The following MSI1 variants were observed in gnomAD, a reference collection of about 807,000 sequenced individuals.
The protein encoded by MSI1 is RNA-binding protein Musashi homolog 1.
In MSI1, 15 loss-of-function variants were observed where a neutral mutation model predicts 54.4. The ratio of observed to expected loss-of-function variants is 0.28; its 90% CI spans 0.18 to 0.42. The LOEUF is 0.42. Ranked by LOEUF, MSI1 falls within the 20% of genes least tolerant of loss-of-function variation. The pLI, the probability that MSI1 is intolerant of heterozygous loss-of-function variation, is 1.00. For synonymous variants in MSI1, 200 were observed against 196.5 expected (o/e 1.02, Z -0.15); for missense variants, 304 against 506.0 (o/e 0.60, Z 3.83).
chr12:120,363,312 G>T (rs1032178716), intron 5 of MSI1, among the ~76,000 whole-genome samples, 177 bp from the exon 6 acceptor site: 5 of 144,708 alleles, frequency 3.5e-5, no homozygotes, highest in Middle Eastern at 3.7e-3. Context: ...GCCTGTCATG[G>T]GCAGCTGTGC....
intron 8 of MSI1, among the ~76,000 whole-genome samples, 183 bp from the exon 9 acceptor site, chr12:120,357,202 C>A (rs577553259): frequency 6.6e-6 from 1 of 152,342 alleles, no homozygotes; most frequent in African/African-American, 2.4e-5. Context: ...TGCATGCAAT[C>A]GTTCAATGAA....
At position 120,343,950 on chromosome 12, in the gene MSI1, G is replaced by C. The variant is rs186343019; in HGVS notation, c.*22-845C>G. 3.5e-3 allele frequency among the ~76,000 whole-genome samples: 536 copies of C among 152,284 alleles called. 1 individual carries two copies. The highest frequency in any genetic ancestry group is 4.8e-3 in the South Asian group (23 of 4,826). On this transcript the variant is annotated intron_variant, in intron 14 of 14. Transcript: ENST00000257552. ...CGGCTCACTGCAGCCTTCGCTTTCT[G>C]GGTTCAAGCGATTCTTGTCCCTCAG...
chr12:120,368,827 G>T lies in MSI1; in HGVS notation c.100+6C>A. On this transcript the variant is annotated splice_donor_region_variant and intron_variant, in intron 2 of 14. Coordinates refer to ENST00000257552, the MANE Select transcript of MSI1 (RefSeq NM_002442.4). The surrounding 1 kb of genome is among the most constrained non-coding windows in gnomAD (Gnocchi z 6.6). ...CGGACCGGCGGGCGCTCCCGGGCTCGCTCACCCTGCGTAGTCTGCCAACTG... is the reference window on the plus strand; with the variant it reads ...CGGACCGGCGGGCGCTCCCGGGCTCTCTCACCCTGCGTAGTCTGCCAACTG... 3 of 1,430,666 alleles carry T rather than the reference G, an allele frequency of 2.1e-6. No homozygotes were observed. Among genetic ancestry groups the T allele is most frequent in the Middle Eastern group, 2.0e-4 (1 of 5,100 alleles). The allele number at this position is 1,430,666 out of a possible 1,614,324, so 88.6% of individuals were successfully genotyped here. A position where few individuals can be genotyped will look rare whatever the true frequency, so the allele number is the denominator to read the frequency against.
chr12:120,356,124 G>C (rs1875094420), intron 9 of MSI1, among the ~76,000 whole-genome samples: 1 of 152,140 alleles, frequency 6.6e-6, no homozygotes, highest in African/African-American at 2.4e-5. Context: ...GTGGGTTTAG[G>C]GGCCTCCCAC....
chr12:120,360,895 T>G (rs1016960659), intron 6 of MSI1, among the ~76,000 whole-genome samples: 4 of 151,642 alleles, frequency 2.6e-5, no homozygotes, highest in African/African-American at 9.7e-5. Context: ...GCTCAAGCAA[T>G]CCTCCCATCT....
intron 4 of MSI1, among the ~76,000 whole-genome samples, chr12:120,365,765 C>A (rs1875978652): frequency 6.6e-6 from 1 of 152,192 alleles, no homozygotes; most frequent in African/African-American, 2.4e-5. Flanking sequence ...GGGCATGGGA[C>A]TTGACCTAGA....
downstream of MSI1, among the ~76,000 whole-genome samples, chr12:120,340,233 C>T (rs1388660673): frequency 2.6e-5 from 4 of 151,688 alleles, no homozygotes; most frequent in South Asian, 4.2e-4. Flanking sequence ...ACTACAGGTG[C>T]GTGCCACCAC....
intron 14 of MSI1, among the ~76,000 whole-genome samples, chr12:120,343,620 C>G (rs535300021): frequency 2.0e-5 from 3 of 152,316 alleles, no homozygotes; most frequent in African/African-American, 7.2e-5. Flanking sequence ...GATACCTTCT[C>G]TAAACCCCAC....
Position 120,369,123 on chromosome 12 carries a change from G to T in MSI1, c.-32C>A. ...CCGCGGGCGGCGCGGGCAGCGGAGCGGCGGCGGCGGCGGCGGCGGCGGCGC... is the reference window on the plus strand; with the variant it reads ...CCGCGGGCGGCGCGGGCAGCGGAGCTGCGGCGGCGGCGGCGGCGGCGGCGC... On this transcript the variant is annotated 5_prime_UTR_variant, in exon 1 of 15. Coordinates refer to ENST00000257552, the MANE Select transcript of MSI1 (RefSeq NM_002442.4). 1 of 989,130 alleles carries T rather than the reference G, an allele frequency of 1.0e-6. No individual in the cohort carries two copies. The highest frequency in any genetic ancestry group is 1.2e-6 in the Non-Finnish European group (1 of 834,978). The allele number at this position is 989,130 out of a possible 1,614,324, so 61.3% of individuals were successfully genotyped here.
chr12:120,357,874 C>T lies in MSI1; in HGVS notation c.476G>A (p.Ser159Asn), dbSNP rs1875272764. ...ACACACTTTCTCCACGATGTCCTCA[C>T]TCTCAAACGTGACAAACCCGAACCC... Reference protein sequence around the residue: ...HRGFGFVTFESEDIVEKVCEI... With the variant: ...HRGFGFVTFENEDIVEKVCEI... Residue 159 changes from serine to asparagine, a missense_variant, in exon 8 of 15, where the codon AGT (serine) becomes AAT (asparagine). This residue lies in a region of MSI1 where 105 missense variants were observed against 230.1 expected (regional missense o/e 0.46). Transcript: ENST00000257552. 6.2e-7 allele frequency: 1 copy of T among 1,614,176 alleles called. No individual in the cohort carries two copies. The highest frequency in any genetic ancestry group is 8.5e-7 in the Non-Finnish European group (1 of 1,180,024).
chr12:120,362,061 G>T (rs909697350), intron 6 of MSI1, among the ~76,000 whole-genome samples: 4 of 151,794 alleles, frequency 2.6e-5, no homozygotes, highest in Non-Finnish European at 4.4e-5. Flanking sequence ...GGGCCCGCCC[G>T]ACCTGCCCTC....
intron 14 of MSI1, among the ~76,000 whole-genome samples, chr12:120,343,645 T>G (rs554994527): frequency 2.1e-4 from 32 of 152,352 alleles, no homozygotes; most frequent in African/African-American, 7.2e-4. Context: ...AAAATAGCCC[T>G]GTCATGCACA....
In MSI1 at chr12:120,346,239, G is replaced by A; in HGVS notation, c.943C>T (p.Pro315Ser). The A allele has an allele frequency of 1.3e-6, 2 of 1,595,190 alleles. No individual in the cohort carries two copies. The highest frequency in any genetic ancestry group is 1.3e-5 in the African/African-American group (1 of 74,746). Residue 315 changes from proline to serine, a missense_variant, in exon 13 of 15, where the codon CCC (proline) becomes TCC (serine). This residue lies in a region of MSI1 where 147 missense variants were observed against 231.5 expected (regional missense o/e 0.64). Transcript: ENST00000257552. ...GGFLGTTSPG[P>S]MAELYGAANQ... ...GCCGCCCCGTAGAGCTCGGCCATGG[G>A]GCCGGGGCTGGTGGTCCCCAGGAAG... is the stretch of plus-strand genomic sequence containing the variant.
At chr12:120,353,466 T>C in intron 9 of MSI1, 87 bp from the exon 10 acceptor site, 1 of 1,161,876 alleles carries the variant, frequency 8.6e-7, no homozygotes, top group African/African-American at 1.5e-5. Context: ...TCATGTCCCC[T>C]CACCTTCCTT....
chr12:120,360,290 A>G (rs1246027516), intron 6 of MSI1, among the ~76,000 whole-genome samples: 5 of 152,134 alleles, frequency 3.3e-5, no homozygotes, highest in Non-Finnish European at 5.9e-5. Context: ...CGACCCCATC[A>G]TCTACCTTCT....
chr12:120,356,820 G>T (rs1875164646), intron 9 of MSI1, 82 bp downstream of exon 9: 1 of 1,218,604 alleles, frequency 8.2e-7, no homozygotes. Flanking sequence ...GACCACAGGG[G>T]AGGTGCAACA....
At chr12:120,358,874 C>A in intron 7 of MSI1, 131 bp downstream of exon 7, 1 of 1,075,646 alleles carries the variant, frequency 9.3e-7, no homozygotes, top group Non-Finnish European at 1.4e-6. Context: ...TTCTGTAAGG[C>A]CAGGCCTGGG....
Position 120,368,296 on chromosome 12 carries a change from G to A in MSI1, c.101-23C>T. On this transcript the variant is annotated intron_variant, in intron 2 of 14. Transcript: ENST00000257552. The surrounding 1 kb of genome is among the most constrained non-coding windows in gnomAD (Gnocchi z 6.6). ...CTTCTGTAACCACACACCCGCCTTC[G>A]GACCAGCCCGGGCCCCGCGCCCTTC... 1 of 1,548,092 alleles carries A rather than the reference G, an allele frequency of 6.5e-7. No homozygotes were observed. The highest frequency in any genetic ancestry group is 8.7e-7 in the Non-Finnish European group (1 of 1,146,744).
intron 9 of MSI1, among the ~76,000 whole-genome samples, chr12:120,356,219 C>T (rs764150883): frequency 5.9e-5 from 9 of 152,196 alleles, no homozygotes; most frequent in Non-Finnish European, 1.2e-4. Context: ...GGCTCTCCTT[C>T]TCAGAAGTTG....
Sources: gnomAD v4.1 joint callset for allele counts (sites outside exome capture counted in the v4.1 genomes callset) on GRCh38, gnomAD v4.1.1 for gene constraint, gnomAD v4.1.1 regional missense constraint, Gnocchi (gnomAD v3.1) non-coding constraint, MANE v1.5 for transcripts, NCBI Gene and HGNC (gene_info 2026-07-23, HGNC 2026-07-21) for gene names.